The following AR variants were observed in gnomAD, a reference collection of about 807,000 sequenced individuals.
AR encodes androgen receptor, also known as dihydrotestosterone receptor.
AR carries 8 observed loss-of-function variants against 53.9 expected under a neutral mutation model. The ratio of observed to expected loss-of-function variants is 0.15; its 90% CI spans 0.09 to 0.27. AR has a LOEUF of 0.27. Among genes scored for constraint, AR ranks in the 10% least tolerant of loss-of-function variants. The pLI is 1.00. For synonymous variants in AR, 359 were observed against 316.4 expected, an observed-to-expected ratio of 1.13 and a Z score of -1.43; for missense variants, 639 against 742.5, an observed-to-expected ratio of 0.86 and a Z score of 1.62.
chrX:67,546,120 T>C lies in AR; in HGVS notation c.974T>C (p.Leu325Pro), dbSNP rs759882189. The C allele has an allele frequency of 8.2e-7, 1 of 1,212,171 alleles. No homozygotes were observed. ...GYTKGLEGES[L>P]GCSGSAAAGS... ...ACCAAAGGGCTAGAAGGCGAGAGCC[T>C]AGGCTGCTCTGGCAGCGCTGCAGCA... The change falls in exon 1 of 8, where the codon CTA (leucine) becomes CCA (proline). Residue 325 changes from leucine to proline, a missense_variant. By Grantham distance (98) the Leu-to-Pro change is moderately conservative. This residue lies in a region of AR where 423 missense variants were observed against 377.0 expected (regional missense o/e 1.12). Coordinates refer to ENST00000374690, the MANE Select transcript of AR (RefSeq NM_000044.6).
At chrX:67,669,035 C>T (rs1333631435) in intron 2 of AR, among the ~76,000 whole-genome samples, 1 of 110,665 alleles carries the variant, frequency 9.0e-6, no homozygotes, top group Non-Finnish European at 1.9e-5. Flanking sequence ...TTATTTTTTC[C>T]TTTTAATTTT....
At chrX:67,643,440 C>A (rs751021102) in intron 2 of AR, 33 bp downstream of exon 2, 1 of 1,187,923 alleles carries the variant, frequency 8.4e-7, no homozygotes, top group Non-Finnish European at 1.1e-6. Flanking sequence ...TTCTCTTTCC[C>A]TTTCTCCTTT....
At chrX:67,550,732 C>T (rs755529530) in intron 1 of AR, among the ~76,000 whole-genome samples, 1 of 109,431 alleles carries the variant, frequency 9.1e-6, no homozygotes, top group African/African-American at 3.3e-5. Context: ...TCTCTCCCTA[C>T]CCCCCACCTC....
At chrX:67,666,244 C>A (rs1019194587) in intron 2 of AR, among the ~76,000 whole-genome samples, 4 of 111,127 alleles carry the variant, frequency 3.6e-5, no homozygotes, top group Admixed American at 9.7e-5. Context: ...AACCATCATT[C>A]CACTCTCTAT....
intron 1 of AR, among the ~76,000 whole-genome samples, chrX:67,633,347 C>T (rs983297748): frequency 4.5e-5 from 5 of 111,556 alleles, no homozygotes; most frequent in African/African-American, 1.6e-4. Flanking sequence ...TTCATATGTA[C>T]TCAATATTTA....
chrX:67,697,005 G>C (rs2076023676), intron 3 of AR, among the ~76,000 whole-genome samples: 1 of 112,117 alleles, frequency 8.9e-6, no homozygotes, highest in Non-Finnish European at 1.9e-5. Flanking sequence ...GGAAGGAAGG[G>C]ATAGACAAGA....
chrX:67,644,320 T>C (rs1925942822), intron 2 of AR, among the ~76,000 whole-genome samples: 1 of 111,698 alleles, frequency 9.0e-6, no homozygotes, highest in African/African-American at 3.3e-5. Flanking sequence ...GATGCTGTGC[T>C]CTGGGACCAG....
chrX:67,639,610 C>T (rs764999934), intron 1 of AR, among the ~76,000 whole-genome samples: 152 of 111,584 alleles, frequency 1.4e-3, no homozygotes, highest in Non-Finnish European at 2.4e-3. Context: ...CATGATTTGG[C>T]TCTCTGTTTG....
chrX:67,551,346 G>T (rs1929991074), intron 1 of AR, among the ~76,000 whole-genome samples: 1 of 111,277 alleles, frequency 9.0e-6, no homozygotes, highest in Non-Finnish European at 1.9e-5. Context: ...TGAAAACAAA[G>T]AAAGATATTA....
chrX:67,552,908 T>C (rs189232216), intron 1 of AR, among the ~76,000 whole-genome samples: 2 of 112,304 alleles, frequency 1.8e-5, no homozygotes, highest in East Asian at 5.6e-4. Flanking sequence ...AGTTTTAAGA[T>C]TTTTAAAAAA....
intron 1 of AR, among the ~76,000 whole-genome samples, chrX:67,573,027 C>T (rs771994247): frequency 9.0e-6 from 1 of 111,214 alleles, no homozygotes; most frequent in Non-Finnish European, 1.9e-5. Context: ...ATTAACTGGG[C>T]CAGGGTCCTA....
At chrX:67,563,098 C>T (rs189796472) in intron 1 of AR, among the ~76,000 whole-genome samples, 1 of 111,790 alleles carries the variant, frequency 8.9e-6, no homozygotes, top group Non-Finnish European at 1.9e-5. Context: ...TTTACAGTCA[C>T]TTTTTAACAA....
At chrX:67,719,861 AAG>A (rs761085337) in intron 5 of AR, among the ~76,000 whole-genome samples, 1 of 111,457 alleles carries the variant, frequency 9.0e-6, no homozygotes. Flanking sequence ...CTCAGACCCA[AAG>A]AGAGAGAGAA....
Position 67,725,361 on chromosome X carries a change from C to G in AR, c.*1520C>G, listed in dbSNP as rs776439636. The G allele has an allele frequency of 1.1e-5, 2 of 173,938 alleles. No individual in the cohort carries two copies. Among genetic ancestry groups the G allele is most frequent in the African/African-American group, 5.9e-5 (2 of 33,830 alleles). 14.3% of individuals were successfully genotyped at this position (173,938 alleles called of 1,213,427 possible). A position where few individuals can be genotyped will look rare whatever the true frequency, so the allele number is the denominator to read the frequency against. ...GCAAGCTGGGCGTCTTGCCCTTGTC[C>G]CCCAGAGATGATACCCTCCCAGCAA... On this transcript the variant is annotated 3_prime_UTR_variant, in exon 8 of 8. Transcript: ENST00000374690.
intron 1 of AR, among the ~76,000 whole-genome samples, chrX:67,626,636 T>TA (rs1924665124): frequency 1.1e-5 from 1 of 89,526 alleles, no homozygotes; most frequent in African/African-American, 4.5e-5. Flanking sequence ...ATATATATAT[T>TA]TATTATTATT....
intron 2 of AR, among the ~76,000 whole-genome samples, chrX:67,674,254 T>C (rs1395055007): frequency 9.1e-6 from 1 of 110,034 alleles, no homozygotes; most frequent in Admixed American, 9.6e-5. Flanking sequence ...ATCACATTTG[T>C]AGTCAACACC....
intron 1 of AR, among the ~76,000 whole-genome samples, chrX:67,556,175 T>G (rs1921044160): frequency 9.0e-6 from 1 of 111,699 alleles, no homozygotes; most frequent in African/African-American, 3.3e-5. Flanking sequence ...ACAGTACTAT[T>G]ATTCCCATTA....
chrX:67,659,282 A>G (rs1428171822), intron 2 of AR, among the ~76,000 whole-genome samples: 2 of 109,871 alleles, frequency 1.8e-5, no homozygotes, highest in African/African-American at 6.7e-5. Flanking sequence ...TTTGTTACAT[A>G]TGTATACATG....
chrX:67,668,222 T>G (rs958034688), intron 2 of AR, among the ~76,000 whole-genome samples: 7 of 112,015 alleles, frequency 6.2e-5, no homozygotes, highest in African/African-American at 2.3e-4. Flanking sequence ...GCTTTTATTA[T>G]GTTGAAGTAT....
Sources: allele counts gnomAD v4.1 joint callset (sites outside exome capture counted in the v4.1 genomes callset), GRCh38; gene constraint gnomAD v4.1.1; regional missense constraint gnomAD v4.1.1; transcripts MANE v1.5; gene names NCBI Gene and HGNC (gene_info 2026-07-23, HGNC 2026-07-21).